Variants in CENPP observed in about 807,000 individuals in gnomAD.
CENPP encodes centromere protein P.
A neutral mutation model predicts 35.6 loss-of-function variants in CENPP; 24 were observed. The observed-to-expected ratio is 0.67, with a 90% CI of 0.49 to 0.95. The LOEUF is 0.95. Ranked by LOEUF, CENPP falls within the 40% of genes least tolerant of loss-of-function variation. The pLI is 0.00. For synonymous variants in CENPP, 120 were observed against 125.5 expected, an observed-to-expected ratio of 0.96 and a Z score of 0.29; for missense variants, 332 against 345.3, an observed-to-expected ratio of 0.96 and a Z score of 0.31.
intron 3 of CENPP, among the ~76,000 whole-genome samples, chr9:92,343,771 C>T (rs1351543374): frequency 1.3e-5 from 2 of 151,926 alleles, no homozygotes; most frequent in Non-Finnish European, 2.9e-5. Flanking sequence ...CATAGCGAGA[C>T]CCTGTCTCTA....
chr9:92,514,938 G>T (rs777469127), intron 5 of CENPP: 2 of 1,613,872 alleles, frequency 1.2e-6, no homozygotes, highest in Non-Finnish European at 1.7e-6. Context: ...TCTGCTTTCT[G>T]TCTCCTCCTC....
intron 5 of CENPP, among the ~76,000 whole-genome samples, chr9:92,554,488 C>CT (rs1849679160): frequency 1.3e-5 from 2 of 150,608 alleles, no homozygotes; most frequent in African/African-American, 4.9e-5. Flanking sequence ...CTGCTTTTAC[C>CT]TTTAATTCTG....
chr9:92,383,461 AG>A (rs1264097131), intron 5 of CENPP, among the ~76,000 whole-genome samples: 1 of 152,204 alleles, frequency 6.6e-6, no homozygotes, highest in Non-Finnish European at 1.5e-5. Flanking sequence ...GTATGTCTTT[AG>A]TTTTTTTCAG....
At chr9:92,563,570 T>C (rs961587980) in intron 5 of CENPP, among the ~76,000 whole-genome samples, 1 of 152,196 alleles carries the variant, frequency 6.6e-6, no homozygotes, top group Admixed American at 6.5e-5. Context: ...TGGAAATCTA[T>C]AGGAGAGTAC....
At chr9:92,502,427 A>T (rs1846734851) in intron 5 of CENPP, 13 of 1,503,998 alleles carry the variant, frequency 8.6e-6, no homozygotes, top group Non-Finnish European at 1.2e-5. Flanking sequence ...TCCCTCACTT[A>T]TCCCATTCCC....
intron 5 of CENPP, among the ~76,000 whole-genome samples, chr9:92,418,502 A>G (rs1376438883): frequency 6.6e-6 from 1 of 151,924 alleles, no homozygotes; most frequent in Non-Finnish European, 1.5e-5. Context: ...CTTGCTTACT[A>G]GGGTATAGAT....
At chr9:92,578,405 C>T (rs1304822992) in intron 5 of CENPP, among the ~76,000 whole-genome samples, 1 of 152,116 alleles carries the variant, frequency 6.6e-6, no homozygotes, top group Admixed American at 6.6e-5. Context: ...AACTAGTTTA[C>T]AGTCCCACCA....
chr9:92,517,349 T>G (rs1847792347), intron 5 of CENPP: 1 of 459,880 alleles, frequency 2.2e-6, no homozygotes, highest in East Asian at 4.0e-5. Context: ...ATAATGCACA[T>G]ATAGACCAAA....
intron 5 of CENPP, chr9:92,414,761 A>G: frequency 4.4e-6 from 1 of 224,784 alleles, no homozygotes; most frequent in Non-Finnish European, 8.8e-6. Context: ...TATTGTCCTC[A>G]GAGTGATCAA....
chr9:92,475,128 C>T (rs1845670648), intron 5 of CENPP, among the ~76,000 whole-genome samples: 1 of 152,092 alleles, frequency 6.6e-6, no homozygotes, highest in African/African-American at 2.4e-5. Context: ...GATAGTAATT[C>T]TACTTTTTAA....
chr9:92,494,985 A>G (rs1846283178), intron 5 of CENPP, among the ~76,000 whole-genome samples: 2 of 152,172 alleles, frequency 1.3e-5, no homozygotes, highest in South Asian at 4.1e-4. Context: ...TGAAATTGTC[A>G]ATTGTGGTTG....
chr9:92,567,389 T>TATATATATATATATATATATAG (rs1564005567), intron 5 of CENPP, among the ~76,000 whole-genome samples: 19 of 98,040 alleles, frequency 1.9e-4, no homozygotes, highest in Middle Eastern at 6.2e-3. Context: ...TATATATATA[T>TATATATATATATATATATATAG]ATATATAGAT....
chr9:92,591,496 G>A (rs1049204914), intron 5 of CENPP, among the ~76,000 whole-genome samples: 2 of 151,652 alleles, frequency 1.3e-5, no homozygotes, highest in African/African-American at 2.4e-5. Flanking sequence ...ATGCCCTTGT[G>A]TGTCAATCCT....
At chr9:92,523,170 T>C (rs2131247856) in intron 5 of CENPP, among the ~76,000 whole-genome samples, 1 of 152,140 alleles carries the variant, frequency 6.6e-6, no homozygotes, top group East Asian at 1.9e-4. Flanking sequence ...AGCCTTGAAC[T>C]CCTGGGCTCA....
In CENPP at chr9:92,393,207, G is replaced by T. The variant is rs780638690; in HGVS notation, c.564+13348G>T. The T allele has an allele frequency of 1.9e-6, 3 of 1,609,548 alleles. No individual in the cohort carries two copies. In the South Asian group the frequency reaches 3.3e-5, roughly 18 times the overall value. ...TGTCAACTTCTTCACAGTATACAGAGCCACTTAAACAAACACACAGCAGAC... is the reference window on the plus strand; with the variant it reads ...TGTCAACTTCTTCACAGTATACAGATCCACTTAAACAAACACACAGCAGAC... On this transcript the variant is annotated intron_variant, in intron 5 of 7. Coordinates refer to ENST00000375587, the MANE Select transcript of CENPP (RefSeq NM_001012267.3).
chr9:92,502,450 CTGTT>C, intron 5 of CENPP: 1 of 1,571,888 alleles, frequency 6.4e-7, no homozygotes, highest in Non-Finnish European at 8.7e-7. Flanking sequence ...TTTCCATACT[CTGTT>C]TAATAATAGC....
intron 5 of CENPP, among the ~76,000 whole-genome samples, chr9:92,442,398 C>CAAAAAAAAA (rs71362387): frequency 1.3e-5 from 1 of 74,480 alleles, no homozygotes; most frequent in Non-Finnish European, 2.8e-5. Flanking sequence ...AACTCTGTCT[C>CAAAAAAAAA]AAAAAAAAAA....
chr9:92,486,475 T>C (rs1410508476), intron 5 of CENPP, among the ~76,000 whole-genome samples: 1 of 152,190 alleles, frequency 6.6e-6, no homozygotes, highest in Admixed American at 6.5e-5. Context: ...AAATTTACAA[T>C]GTATTTGGAA....
In CENPP at chr9:92,620,403, GTCTCC is replaced by G. The variant is rs1190075671; in HGVS notation, c.*7258_*7262del. 17 of 152,352 alleles carry G rather than the reference GTCTCC, an allele frequency of 1.1e-4. No homozygotes were observed. The highest frequency in any genetic ancestry group is 4.1e-4 in the African/African-American group (17 of 41,558). 9.4% of individuals were successfully genotyped at this position (152,352 alleles called of 1,614,324 possible). A position where few individuals can be genotyped will look rare whatever the true frequency, so the allele number is the denominator to read the frequency against. ...GACAGGCACCACAATGCTCACAACT[GTCTCC>G]TCTACAGAGCAGAATGTGAGGCACT... On this transcript the variant is annotated 3_prime_UTR_variant, in exon 8 of 8. Transcript: ENST00000375587.
Sources: allele counts gnomAD v4.1 joint callset (sites outside exome capture counted in the v4.1 genomes callset), GRCh38; gene constraint gnomAD v4.1.1; transcripts MANE v1.5; gene names NCBI Gene and HGNC (gene_info 2026-07-23, HGNC 2026-07-21).